Variants in TLE2 observed in about 807,000 individuals in gnomAD.
TLE2 encodes TLE family member 2, transcriptional corepressor, also known as transducin-like enhancer protein 2.
TLE2 carries 74 observed loss-of-function variants against 97.2 expected under a neutral mutation model. The ratio of observed to expected loss-of-function variants is 0.76; its 90% confidence interval spans 0.63 to 0.92. The LOEUF (loss-of-function observed/expected upper bound fraction) is 0.92, where lower values mean the gene tolerates loss of function less well. Ranked by LOEUF, TLE2 falls within the 40% of genes least tolerant of loss-of-function variation. The probability of loss-of-function intolerance (pLI) is 0.00; values close to 1 mark genes in which losing one functional copy is unlikely to be tolerated. For synonymous variants in TLE2, 499 were observed against 432.1 expected (o/e 1.15, Z -1.92); for missense variants, 1,038 against 1,008.7 (o/e 1.03, Z -0.39).
rs562875053 is a variant in TLE2 at position 3,001,791 on chromosome 19, CTTTTT to C, written c.2047+557_2047+561del. On this transcript the variant is annotated intron_variant, in intron 18 of 19. Coordinates refer to ENST00000262953, the MANE Select transcript of TLE2 (RefSeq NM_003260.5). ...TGCCTGGCTTAAATTTCTTTTCTTT[CTTTTT>C]TTTTTTTTTTTTTTTTTTAAGATAG... Among the ~76,000 whole-genome samples, 8 of 111,424 alleles carry C rather than the reference CTTTTT, an allele frequency of 7.2e-5. No homozygotes were observed. The South Asian group carries it at 1.5e-3, about 20-fold the overall frequency. 73.1% of individuals were successfully genotyped at this position (111,424 alleles called of 152,430 possible). A position where few individuals can be genotyped will look rare whatever the true frequency, so the allele number is the denominator to read the frequency against.
chr19:3,014,169 C>T (rs1408673452), intron 10 of TLE2, among the ~76,000 whole-genome samples: 1 of 152,120 alleles, frequency 6.6e-6, no homozygotes, highest in Non-Finnish European at 1.5e-5. Context: ...ATCCATTCGC[C>T]TCAGCCTCCC....
chr19:3,042,220 AG>A (rs1337513163), intron 1 of TLE2, among the ~76,000 whole-genome samples: 2 of 41,688 alleles, frequency 4.8e-5, no homozygotes, highest in Non-Finnish European at 9.5e-5. Context: ...GGCAAAGGGG[AG>A]GGGAGGGGAG....
At chr19:3,000,950 C>G (rs1200712907) in intron 18 of TLE2, among the ~76,000 whole-genome samples, 3 of 151,740 alleles carry the variant, frequency 2.0e-5, no homozygotes, top group South Asian at 4.2e-4. Context: ...GCAGCTGGGA[C>G]CACAGGTGTG....
intron 1 of TLE2, among the ~76,000 whole-genome samples, chr19:3,042,038 C>T (rs2090107265): frequency 1.3e-5 from 2 of 151,844 alleles, no homozygotes; most frequent in East Asian, 2.0e-4. Flanking sequence ...CAGCGTGTTC[C>T]CCGACAGGCC....
chr19:3,019,607 A>G lies in TLE2; in HGVS notation c.369+92T>C. On this transcript the variant is annotated intron_variant, in intron 6 of 19. Transcript: ENST00000262953. This position sits in a 1 kb window ranked among gnomAD's most constrained non-coding sequence, Gnocchi z 5.1. Reference sequence around the variant, plus strand: ...CAGGACCACTGGAGCCAAGGCCCACACACCACCCCAGCTTTAACACCTCCT... The same window carrying G: ...CAGGACCACTGGAGCCAAGGCCCACGCACCACCCCAGCTTTAACACCTCCT... The G allele has an allele frequency of 1.3e-6, 2 of 1,533,934 alleles. No individual in the cohort carries two copies. The highest frequency in any genetic ancestry group is 2.4e-5 in the South Asian group (2 of 81,894).
rs2089996754 is a variant in TLE2 at position 3,029,148 on chromosome 19, C to G, written c.-244G>C. The G allele has an allele frequency of 2.0e-6, 2 of 975,842 alleles. No homozygotes were observed. Among genetic ancestry groups the G allele is most frequent in the Non-Finnish European group, 2.5e-6 (2 of 814,286 alleles). The allele number at this position is 975,842 out of a possible 1,614,324, so 60.4% of individuals were successfully genotyped here. A position where few individuals can be genotyped will look rare whatever the true frequency, so the allele number is the denominator to read the frequency against. Reference sequence around the variant, plus strand: ...CGAGCGGGGCGGGCAGGGGCAGCGGCCGGGGCGGGAGCGCGGCGAGGGCGG... The same window carrying G: ...CGAGCGGGGCGGGCAGGGGCAGCGGGCGGGGCGGGAGCGCGGCGAGGGCGG... On this transcript the variant is annotated 5_prime_UTR_variant, in exon 1 of 20. Transcript: ENST00000262953.
upstream of TLE2, among the ~76,000 whole-genome samples, chr19:3,032,264 G>A (rs550781875): frequency 7.0e-5 from 10 of 143,770 alleles, no homozygotes; most frequent in Admixed American, 4.2e-4. The surrounding 1 kb of genome is among the most constrained non-coding windows in gnomAD (Gnocchi z 4.1). Context: ...GTTTTGAGAC[G>A]GAGTCTCATT....
At chr19:3,043,254 C>T (rs2090117504) in intron 1 of TLE2, among the ~76,000 whole-genome samples, 1 of 151,938 alleles carries the variant, frequency 6.6e-6, no homozygotes, top group Non-Finnish European at 1.5e-5. Context: ...TAGCTGAGAC[C>T]ACAATCGTAC....
intron 5 of TLE2, among the ~76,000 whole-genome samples, chr19:3,024,604 G>A (rs2089907992): frequency 6.6e-6 from 1 of 152,108 alleles, no homozygotes; most frequent in Non-Finnish European, 1.5e-5. Flanking sequence ...CAGGTGCTGA[G>A]TAAGCGTACC....
At chr19:3,023,099 G>A (rs142919980) in intron 5 of TLE2, among the ~76,000 whole-genome samples, 1,597 of 149,300 alleles carry the variant, frequency 0.011, 35 homozygotes, top group African/African-American at 0.037. Flanking sequence ...GTGTTGCCCA[G>A]GCTGGAGTGC....
At chr19:3,025,270 G>A (rs2089922670) in intron 4 of TLE2, 188 bp from the exon 5 acceptor site, 2 of 1,127,676 alleles carry the variant, frequency 1.8e-6, no homozygotes, top group Non-Finnish European at 1.2e-6. Flanking sequence ...CAGGCTGCGT[G>A]CTCAGCTGAG....
intron 5 of TLE2, among the ~76,000 whole-genome samples, chr19:3,021,521 AT>A (rs1458769912): frequency 6.6e-6 from 1 of 152,246 alleles, no homozygotes; most frequent in Non-Finnish European, 1.5e-5. Flanking sequence ...GAATAGAATG[AT>A]TAATTTTATT....
At chr19:3,042,130 C>T (rs369710680) in intron 1 of TLE2, among the ~76,000 whole-genome samples, 2 of 147,352 alleles carry the variant, frequency 1.4e-5, no homozygotes, top group East Asian at 4.0e-4. Flanking sequence ...CTCCCCGGGA[C>T]CCGAGAAGGG....
rs372438182 is a variant in TLE2 at position 3,015,122 on chromosome 19, A to T, written c.679-508T>A. 2.6e-5 allele frequency among the ~76,000 whole-genome samples: 4 copies of T among 151,164 alleles called. No homozygotes were observed. In the East Asian group the frequency reaches 5.8e-4, roughly 22 times the overall value. The stretch of plus-strand genomic sequence containing the variant: ...TTTAAGGCTTCTCTGAGAAACAGCA[A>T]TATTGGCCCACCCTGAGCCTGCCAG... On this transcript the variant is annotated intron_variant, in intron 9 of 19. Transcript: ENST00000262953.
rs2089969474 is a variant in TLE2, at chr19:3,027,739, C to T, written c.231+90G>A. 5.2e-6 allele frequency: 7 copies of T among 1,349,524 alleles called. No homozygotes were observed. The South Asian group carries it at 8.9e-5, about 17-fold the overall frequency. 83.6% of individuals were successfully genotyped at this position (1,349,524 alleles called of 1,614,324 possible). A position where few individuals can be genotyped will look rare whatever the true frequency, so the allele number is the denominator to read the frequency against. ...ATGAGACCCGTGTTCCCTAGGTCTG[C>T]TCTGGCCCCGGCTGCCCACTCTGGG... On this transcript the variant is annotated intron_variant, in intron 4 of 19. Transcript: ENST00000262953.
intron 12 of TLE2, among the ~76,000 whole-genome samples, chr19:3,010,341 G>A (rs921020432): frequency 4.1e-5 from 6 of 148,142 alleles, no homozygotes; most frequent in Non-Finnish European, 8.9e-5. Context: ...TCCAGCCTGT[G>A]TAACAAGAGT....
chr19:3,007,704 T>C (rs1166888205), intron 14 of TLE2, among the ~76,000 whole-genome samples: 1 of 152,168 alleles, frequency 6.6e-6, no homozygotes, highest in Non-Finnish European at 1.5e-5. Flanking sequence ...CAAAGAAACC[T>C]TGAGTGTTCC....
chr19:3,002,990 T>C (rs2089398331), intron 17 of TLE2, among the ~76,000 whole-genome samples: 2 of 151,966 alleles, frequency 1.3e-5, no homozygotes, highest in Non-Finnish European at 2.9e-5. Context: ...TGAGCCACCA[T>C]GTCAGCCTAC....
At chr19:3,024,088 T>C (rs2089899228) in intron 5 of TLE2, among the ~76,000 whole-genome samples, 1 of 147,872 alleles carries the variant, frequency 6.8e-6, no homozygotes, top group African/African-American at 2.5e-5. Flanking sequence ...CCCCGCCTCC[T>C]GAGTTCAAGC....
Sources: allele counts gnomAD v4.1 joint callset (sites outside exome capture counted in the v4.1 genomes callset), GRCh38; gene constraint gnomAD v4.1.1; non-coding constraint Gnocchi (gnomAD v3.1); transcripts MANE v1.5; gene names NCBI Gene and HGNC (gene_info 2026-07-23, HGNC 2026-07-21).